Variants in ZNF850 observed in about 807,000 individuals in gnomAD.
The protein encoded by ZNF850 is putative zinc finger protein ENSP00000330994.
In ZNF850, 2 loss-of-function variants were observed where a neutral mutation model predicts 11.9. The ratio of observed to expected loss-of-function variants is 0.17; its 90% CI spans 0.07 to 0.53. The LOEUF is 0.53. Among genes scored for constraint, ZNF850 ranks in the 20% least tolerant of loss-of-function variants. The pLI, the probability that ZNF850 is intolerant of heterozygous loss-of-function variation, is 0.94. For synonymous variants in ZNF850, 381 were observed against 443.0 expected, an observed-to-expected ratio of 0.86 and a Z score of 1.76; for missense variants, 1,014 against 1,316.4, an observed-to-expected ratio of 0.77 and a Z score of 3.55.
At chr19:36,763,467 C>G (rs977638833) in intron 1 of ZNF850, among the ~76,000 whole-genome samples, 1 of 151,340 alleles carries the variant, frequency 6.6e-6, no homozygotes, top group African/African-American at 2.4e-5. Flanking sequence ...TTGCTTGAAC[C>G]TGGGAGGCAG....
In ZNF850 at chr19:36,747,914, A is replaced by G; in HGVS notation, c.3126T>C (p.Cys1042=). The change falls in exon 5 of 5, where the codon TGT becomes TGC. Residue 1042 remains cysteine, a synonymous_variant. Transcript: ENST00000591344. ...CTGAGGCATAGAAAAAGGCTTTCCC[A>G]CATTCCGGACATTGATAAGTTTTCT... ...TGEKTYQCPE[C]GKAFFYASGL... The G allele has an allele frequency of 6.4e-7, 1 of 1,567,938 alleles. No individual in the cohort carries two copies. Among genetic ancestry groups the G allele is most frequent in the Non-Finnish European group, 8.6e-7 (1 of 1,161,202 alleles).
intron 4 of ZNF850, among the ~76,000 whole-genome samples, chr19:36,754,149 C>CAG (rs56915048): frequency 0.27 from 33,143 of 124,170 alleles, 4,245 homozygotes; most frequent in South Asian, 0.42. Flanking sequence ...GCCCGGGCAA[C>CAG]AGAGAGAGAG....
chr19:36,762,972 C>T (rs1204272177), intron 1 of ZNF850, among the ~76,000 whole-genome samples: 3 of 151,866 alleles, frequency 2.0e-5, no homozygotes, highest in Non-Finnish European at 2.9e-5. Flanking sequence ...CTCACTGCAG[C>T]CTCAACCTCC....
At chr19:36,770,432 C>T (rs2040573735) in intron 1 of ZNF850, among the ~76,000 whole-genome samples, 1 of 152,126 alleles carries the variant, frequency 6.6e-6, no homozygotes, top group South Asian at 2.1e-4. Flanking sequence ...GGTGCAGTGG[C>T]TCACGCCGGT....
Position 36,745,571 on chromosome 19 carries a change from A to T in ZNF850, c.*2196T>A, listed in dbSNP as rs1486835692. On this transcript the variant is annotated 3_prime_UTR_variant, in exon 5 of 5. Transcript: ENST00000591344. ...AGCATGCCTGTAATCCCAGTTACTCAGGAGGCTGAGTCAAGAGAATCGCTT... is the reference window on the plus strand; with the variant it reads ...AGCATGCCTGTAATCCCAGTTACTCTGGAGGCTGAGTCAAGAGAATCGCTT... The T allele has an allele frequency of 1.3e-5, 2 of 152,186 alleles. No homozygotes were observed. The highest frequency in any genetic ancestry group is 4.8e-5 in the African/African-American group (2 of 41,410). The allele number at this position is 152,186 out of a possible 1,614,324, so 9.4% of individuals were successfully genotyped here.
At position 36,750,038 on chromosome 19, in the gene ZNF850, C is replaced by A; in HGVS notation, c.1002G>T (p.Glu334Asp). 1 of 1,542,306 alleles carries A rather than the reference C, an allele frequency of 6.5e-7. No individual in the cohort carries two copies. The highest frequency in any genetic ancestry group is 1.7e-4 in the Middle Eastern group (1 of 5,994). Residue 334 changes from glutamate (E) to aspartate (D), a missense_variant, in exon 5 of 5, where the codon GAG becomes GAT. By Grantham distance (45) the Glu-to-Asp change is conservative. Coordinates refer to ENST00000591344, the MANE Select transcript of ZNF850 (RefSeq NM_001193552.2). The stretch of plus-strand genomic sequence containing the variant: ...CACATTCCTTACAATCATACGGTTT[C>A]TCACCAGTGTGAATTTGCTGGTGTC... ...LIRHQQIHTG[E>D]KPYDCKECGK...
chr19:36,756,761 G>A (rs535391008), intron 4 of ZNF850, among the ~76,000 whole-genome samples: 1 of 152,104 alleles, frequency 6.6e-6, no homozygotes, highest in Non-Finnish European at 1.5e-5. Flanking sequence ...CTACAGGTAT[G>A]CGCCACCACG....
At chr19:36,769,885 A>G (rs1227811) in intron 1 of ZNF850, among the ~76,000 whole-genome samples, 45,564 of 152,032 alleles carry the variant, frequency 0.3, 7,316 homozygotes, top group African/African-American at 0.42. Flanking sequence ...CCCACAGGCT[A>G]AGGGCTCAGC....
Position 36,749,917 on chromosome 19 carries a change from T to C in ZNF850, c.1123A>G (p.Thr375Ala). 6.4e-7 allele frequency: 1 copy of C among 1,571,106 alleles called. No individual in the cohort carries two copies. Among genetic ancestry groups the C allele is most frequent in the African/African-American group, 1.4e-5 (1 of 73,656 alleles). The change falls in exon 5 of 5, where the codon ACT becomes GCT. Residue 375 changes from threonine (T) to alanine (A), a missense_variant. Thr to Ala is a moderately conservative substitution (Grantham distance 58). This residue lies in a region of ZNF850 where 835 missense variants were observed against 1,022.0 expected (regional missense o/e 0.82). Coordinates refer to ENST00000591344, the MANE Select transcript of ZNF850 (RefSeq NM_001193552.2). ...YDCKECGKSF[T>A]FHSALIRHQR... ...TGTCGAATTAGAGCTGAGTGAAAAG[T>C]AAAAGATTTTCCACATTCCTTACAG...
Position 36,749,679 on chromosome 19 carries a change from C to T in ZNF850, c.1361G>A (p.Cys454Tyr). ...TGAGCCCGAAGCAAAAGATTTCCCACACTCCTTACAATCATAGGGTTTCTC... is the reference window on the plus strand; with the variant it reads ...TGAGCCCGAAGCAAAAGATTTCCCATACTCCTTACAATCATAGGGTTTCTC... ...TGEKPYDCKE[C>Y]GKSFASGSAL... Residue 454 changes from cysteine (C) to tyrosine (Y), a missense_variant, in exon 5 of 5, where the codon TGT (cysteine) becomes TAT (tyrosine). By Grantham distance (194) the Cys-to-Tyr change is radical. Coordinates refer to ENST00000591344, the MANE Select transcript of ZNF850 (RefSeq NM_001193552.2). 6.4e-7 allele frequency: 1 copy of T among 1,558,962 alleles called. No individual in the cohort carries two copies. The highest frequency in any genetic ancestry group is 8.7e-7 in the Non-Finnish European group (1 of 1,154,460).
At position 36,772,784 on chromosome 19, in the gene ZNF850, G is replaced by C. The variant is rs1199599780; in HGVS notation, c.-129C>G. On this transcript the variant is annotated 5_prime_UTR_variant, in exon 1 of 5. Transcript: ENST00000591344. Reference sequence around the variant, plus strand: ...TAGCCAAGTTCCTCAGGACTCCAAGGCGCGGCGGCAGCTAAATCGGCACAG... The same window carrying C: ...TAGCCAAGTTCCTCAGGACTCCAAGCCGCGGCGGCAGCTAAATCGGCACAG... The C allele has an allele frequency of 1.3e-5, 2 of 152,332 alleles. No homozygotes were observed. The highest frequency in any genetic ancestry group is 2.9e-5 in the Non-Finnish European group (2 of 68,148). 9.4% of individuals were successfully genotyped at this position (152,332 alleles called of 1,614,324 possible).
chr19:36,753,817 G>T (rs943592194), intron 4 of ZNF850, among the ~76,000 whole-genome samples: 4 of 152,094 alleles, frequency 2.6e-5, no homozygotes, highest in African/African-American at 9.7e-5. Context: ...AGTCATAGAG[G>T]TATTAAATAG....
chr19:36,747,881 GCTGAGTC>G lies in ZNF850; in HGVS notation c.3152_3158del (p.Gly1051AlafsTer37), dbSNP rs1568731873. 2 of 1,574,942 alleles carry G rather than the reference GCTGAGTC, an allele frequency of 1.3e-6. No individual in the cohort carries two copies. ...CGCCAGTGTGAACACTCTGATGTCG[GCTGAGTC>G]CTGAGGCATAGAAAAAGGCTTTCCC... On this transcript the variant is annotated frameshift_variant, in exon 5 of 5. Transcript: ENST00000591344. LOFTEE classifies it low-confidence loss of function (END_TRUNC).
chr19:36,759,810 T>C (rs866320067), intron 4 of ZNF850, among the ~76,000 whole-genome samples: 1 of 152,222 alleles, frequency 6.6e-6, no homozygotes, highest in Non-Finnish European at 1.5e-5. Flanking sequence ...AATGGATAGT[T>C]TGCATTACTT....
intron 1 of ZNF850, among the ~76,000 whole-genome samples, chr19:36,763,053 G>A (rs1397863143): frequency 6.6e-6 from 1 of 151,978 alleles, no homozygotes; most frequent in Non-Finnish European, 1.5e-5. Flanking sequence ...ACCATGTCCA[G>A]CTAATTTTTT....
At chr19:36,767,657 A>G (rs1446077653) in intron 1 of ZNF850, among the ~76,000 whole-genome samples, 5 of 152,188 alleles carry the variant, frequency 3.3e-5, no homozygotes, top group Non-Finnish European at 5.9e-5. Flanking sequence ...TGAACCTGAA[A>G]GGTGAAGATT....
Position 36,747,596 on chromosome 19 carries a change from A to C in ZNF850, c.*171T>G. 1 of 611,838 alleles carries C rather than the reference A, an allele frequency of 1.6e-6. No homozygotes were observed. Among genetic ancestry groups the C allele is most frequent in the Non-Finnish European group, 2.6e-6 (1 of 382,452 alleles). The allele number at this position is 611,838 out of a possible 1,614,324, so 37.9% of individuals were successfully genotyped here. A position where few individuals can be genotyped will look rare whatever the true frequency, so the allele number is the denominator to read the frequency against. On this transcript the variant is annotated 3_prime_UTR_variant, in exon 5 of 5. Transcript: ENST00000591344. ...GCTTGCAGTGAGCCGAGATAGCGCC[A>C]CTGCACTCCAGCCTGGGCGACAGAG...
In ZNF850 at chr19:36,749,892, T is replaced by C; in HGVS notation, c.1148A>G (p.His383Arg). The part of the protein sequence containing the change: ...SFTFHSALIR[H>R]QRIHTGEKPY... ...TTTCTCACCAGTGTGAATTCGCTGA[T>C]GTCGAATTAGAGCTGAGTGAAAAGT... Residue 383 changes from histidine (H) to arginine (R), a missense_variant, in exon 5 of 5, where the codon CAT becomes CGT. By Grantham distance (29) the His-to-Arg change is conservative. Coordinates refer to ENST00000591344, the MANE Select transcript of ZNF850 (RefSeq NM_001193552.2). The C allele has an allele frequency of 1.3e-6, 2 of 1,579,816 alleles. No homozygotes were observed. The highest frequency in any genetic ancestry group is 8.6e-7 in the Non-Finnish European group (1 of 1,164,838).
intron 1 of ZNF850, among the ~76,000 whole-genome samples, chr19:36,766,532 C>T (rs1487759740): frequency 6.6e-6 from 1 of 152,118 alleles, no homozygotes; most frequent in African/African-American, 2.4e-5. Flanking sequence ...TGGCTTATAA[C>T]TTTCCTAAAT....
Sources: allele counts gnomAD v4.1 joint callset (sites outside exome capture counted in the v4.1 genomes callset), GRCh38; gene constraint gnomAD v4.1.1; regional missense constraint gnomAD v4.1.1; transcripts MANE v1.5; gene names NCBI Gene and HGNC (gene_info 2026-07-23, HGNC 2026-07-21).